Variants in MNT observed in about 807,000 individuals in gnomAD.
MNT encodes the protein MAX network transcriptional repressor, also known as max-binding protein MNT.
In MNT, 13 loss-of-function variants were observed where a neutral mutation model predicts 40.7. The observed-to-expected ratio is 0.32, with a 90% CI of 0.21 to 0.51. The LOEUF (loss-of-function observed/expected upper bound fraction) is 0.51. MNT is among the 20% of genes least tolerant of loss of function. The pLI is 0.98. For synonymous variants in MNT, 426 were observed against 354.8 expected (o/e 1.20, Z -2.26); for missense variants, 757 against 792.0 (o/e 0.96, Z 0.53).
intron 3 of MNT, 36 bp downstream of exon 3, chr17:2,394,269 G>GCGCACACACACACA: frequency 6.7e-7 from 1 of 1,490,792 alleles, no homozygotes; most frequent in South Asian, 1.2e-5. Context: ...GCGCGCGCAC[G>GCGCACACACACACA]CACGCACGCA....
chr17:2,395,648 AC>A (rs1298248402), intron 1 of MNT, among the ~76,000 whole-genome samples, 194 bp from the exon 2 acceptor site: 1 of 152,002 alleles, frequency 6.6e-6, no homozygotes, highest in Non-Finnish European at 1.5e-5. Flanking sequence ...AATCAAGCAG[AC>A]CTGTTCCCCG....
At position 2,387,334 on chromosome 17, in the gene MNT, G is replaced by A. The variant is rs1190837157; in HGVS notation, c.1316C>T (p.Thr439Met). Reference protein sequence around the residue: ...HLVATAGGGSTVIAHTATTHA... With the variant: ...HLVATAGGGSMVIAHTATTHA... ...AGTGGTGGCTGTGTGGGCGATGACC[G>A]TGGAGCCACCCCCAGCCGTCGCCAC... The change falls in exon 6 of 6, where the codon ACG becomes ATG. Residue 439 changes from threonine (T) to methionine (M), a missense_variant. This residue lies in a region of MNT where 345 missense variants were observed against 380.1 expected (regional missense o/e 0.91). Coordinates refer to ENST00000174618, the MANE Select transcript of MNT (RefSeq NM_020310.3). The A allele has an allele frequency of 9.9e-6, 16 of 1,612,656 alleles. No homozygotes were observed. The highest frequency in any genetic ancestry group is 2.2e-5 in the East Asian group (1 of 44,826).
intron 2 of MNT, 107 bp downstream of exon 2, chr17:2,394,768 A>G (rs1335420018): frequency 3.0e-5 from 22 of 744,102 alleles, no homozygotes; most frequent in Non-Finnish European, 4.3e-5. Flanking sequence ...GTGTTCAAAT[A>G]CAGGGGGCAC....
At chr17:2,396,173 G>A (rs541856259) in intron 1 of MNT, among the ~76,000 whole-genome samples, 1 of 152,312 alleles carries the variant, frequency 6.6e-6, no homozygotes, top group East Asian at 1.9e-4. Context: ...TTTCACACAT[G>A]TGGAAACAGC....
intron 4 of MNT, 104 bp from the exon 5 acceptor site, chr17:2,388,153 G>A (rs544794300): frequency 5.3e-5 from 61 of 1,143,224 alleles, no homozygotes; most frequent in Admixed American, 2.3e-4. Context: ...AGGCAAGTCC[G>A]TGGCAACCAG....
chr17:2,385,592 CCCAA>C lies in MNT; in HGVS notation c.*1305_*1308del. On this transcript the variant is annotated 3_prime_UTR_variant, in exon 6 of 6. Coordinates refer to ENST00000174618, the MANE Select transcript of MNT (RefSeq NM_020310.3). ...CTTCCACGCTCAGCCCTGTCCTTGACCCAACCAAGGACCTCTTCTCAGAGAAAGG... is the reference window on the plus strand; with the variant it reads ...CTTCCACGCTCAGCCCTGTCCTTGACCCAAGGACCTCTTCTCAGAGAAAGG... 1 of 152,570 alleles carries C rather than the reference CCCAA, an allele frequency of 6.6e-6. No individual in the cohort carries two copies. The highest frequency in any genetic ancestry group is 1.9e-4 in the East Asian group (1 of 5,188). The allele number at this position is 152,570 out of a possible 1,614,324, so 9.5% of individuals were successfully genotyped here.
Position 2,388,066 on chromosome 17 carries a change from G to C in MNT, c.808-17C>G. On this transcript the variant is annotated splice_polypyrimidine_tract_variant and intron_variant, in intron 4 of 5. Transcript: ENST00000174618. ...CTTCAGGGACTGGCACACAGAGTAA[G>C]GGACAGCAGGACACCCTGAGCAGCA... is the stretch of plus-strand genomic sequence containing the variant. 6.5e-7 allele frequency: 1 copy of C among 1,544,330 alleles called. No individual in the cohort carries two copies. The highest frequency in any genetic ancestry group is 8.8e-7 in the Non-Finnish European group (1 of 1,141,098).
At chr17:2,391,023 C>A (rs1018338816) in intron 4 of MNT, 1 of 152,368 alleles carries the variant, frequency 6.6e-6, no homozygotes, top group Non-Finnish European at 1.5e-5. Context: ...GAGTCCCGCT[C>A]TGTCACCCAG....
Position 2,385,812 on chromosome 17 carries a change from G to A in MNT, c.*1089C>T, listed in dbSNP as rs965467615. ...GGCTTAGGGCTTGGCTAAGCCGCTG[G>A]GTTTTTACCTTCCTGATGTCTCAAC... On this transcript the variant is annotated 3_prime_UTR_variant, in exon 6 of 6. Coordinates refer to ENST00000174618, the MANE Select transcript of MNT (RefSeq NM_020310.3). The A allele has an allele frequency of 6.6e-6, 1 of 152,264 alleles. No individual in the cohort carries two copies. Among genetic ancestry groups the A allele is most frequent in the Non-Finnish European group, 1.5e-5 (1 of 68,070 alleles). The allele number at this position is 152,264 out of a possible 1,614,324, so 9.4% of individuals were successfully genotyped here.
Position 2,386,950 on chromosome 17 carries a change from G to T in MNT, c.1700C>A (p.Thr567Asn). The change falls in exon 6 of 6, where the codon ACC becomes AAC. Residue 567 changes from threonine (T) to asparagine (N), a missense_variant. By Grantham distance (65) the Thr-to-Asn change is moderately conservative (BLOSUM62 0). This residue lies in a region of MNT where 345 missense variants were observed against 380.1 expected (regional missense o/e 0.91). Coordinates refer to ENST00000174618, the MANE Select transcript of MNT (RefSeq NM_020310.3). ...LVGQTVLNPVTMVTMPSFPVS... is the reference protein window; with the variant it reads ...LVGQTVLNPVNMVTMPSFPVS... The stretch of plus-strand genomic sequence containing the variant: ...TGGGAAGGAGGGCATGGTGACCATG[G>T]TCACAGGGTTGAGCACGGTCTGGCC... 1 of 1,501,590 alleles carries T rather than the reference G, an allele frequency of 6.7e-7. No individual in the cohort carries two copies. The allele number at this position is 1,501,590 out of a possible 1,614,324, so 93.0% of individuals were successfully genotyped here.
intron 1 of MNT, chr17:2,400,262 GCACGCACACGCGAGCCTGCCACCCC>G (rs1597423833): frequency 1.3e-5 from 3 of 225,828 alleles, no homozygotes; most frequent in African/African-American, 7.1e-5. Flanking sequence ...GTGCACACAC[GCACGCACACGCGAGCCTGCCACCCC>G]CACGCAACAC....
chr17:2,396,471 C>T (rs1472564777), intron 1 of MNT: 1 of 152,766 alleles, frequency 6.5e-6, no homozygotes, highest in South Asian at 2.1e-4. Context: ...TGAGAGAGGG[C>T]AGTTGAGGAG....
rs1233092006 is a variant in MNT, at chr17:2,387,596, G to A, written c.1054C>T (p.Pro352Ser). Reference protein sequence around the residue: ...DMEEDRAGLGPPKLSHRPQPE... With the variant: ...DMEEDRAGLGSPKLSHRPQPE... The stretch of plus-strand genomic sequence containing the variant: ...TGGGGACGATGGCTCAGCTTAGGTG[G>A]GCCCAGGCCCGCCCGGTCCTCCTCC... Residue 352 changes from proline to serine, a missense_variant, in exon 6 of 6, where the codon CCA becomes TCA. By Grantham distance (74) the Pro-to-Ser change is moderately conservative. Around this residue, in one of 4 missense-constraint regions of MNT, gnomAD observed 345 missense variants for 380.1 expected, o/e 0.91. Transcript: ENST00000174618. 1 of 1,614,114 alleles carries A rather than the reference G, an allele frequency of 6.2e-7. No individual in the cohort carries two copies. The highest frequency in any genetic ancestry group is 1.3e-5 in the African/African-American group (1 of 75,022).
chr17:2,390,442 A>C (rs1027052268), intron 4 of MNT: 3 of 152,298 alleles, frequency 2.0e-5, no homozygotes, highest in South Asian at 4.1e-4. Flanking sequence ...CTGTCACATC[A>C]GTGGGACATT....
intron 1 of MNT, among the ~76,000 whole-genome samples, chr17:2,397,463 G>C (rs1487870296): frequency 1.3e-5 from 2 of 152,104 alleles, no homozygotes; most frequent in Non-Finnish European, 2.9e-5. Flanking sequence ...ACTCTTTATA[G>C]GCAGAGGAAC....
intron 1 of MNT, among the ~76,000 whole-genome samples, chr17:2,398,069 A>C (rs1428457460): frequency 6.6e-6 from 1 of 152,206 alleles, no homozygotes; most frequent in Admixed American, 6.5e-5. Context: ...AGGAGTCCAC[A>C]CTGGTGGGCC....
At chr17:2,400,585 G>C (rs1421329741) in intron 1 of MNT, 55 bp downstream of exon 1, 1 of 1,513,248 alleles carries the variant, frequency 6.6e-7, no homozygotes, top group East Asian at 2.6e-5. Flanking sequence ...TTCGGGGACC[G>C]GGGTCACTCG....
At position 2,387,227 on chromosome 17, in the gene MNT, G is replaced by A; in HGVS notation, c.1423C>T (p.Pro475Ser). Residue 475 changes from proline (P) to serine (S), a missense_variant, in exon 6 of 6, where the codon CCC (proline) becomes TCC (serine). Pro to Ser is a moderately conservative substitution (Grantham distance 74, BLOSUM62 -1). This residue lies in a region of MNT where 345 missense variants were observed against 380.1 expected (regional missense o/e 0.91). Transcript: ENST00000174618. ...GGCGCCAGTTGCACCGCAGGGCTGG[G>A]GGCCGAGGGGGCGATGTGGGCGATG... ...KHIAHIAPSA[P>S]SPAVQLAPAT... is the part of the protein sequence containing the mutation. 1 of 1,611,426 alleles carries A rather than the reference G, an allele frequency of 6.2e-7. No individual in the cohort carries two copies. The highest frequency in any genetic ancestry group is 8.5e-7 in the Non-Finnish European group (1 of 1,179,154).
At position 2,394,154 on chromosome 17, in the gene MNT, C is replaced by G; in HGVS notation, c.696G>C (p.Arg232Ser). 6.2e-7 allele frequency: 1 copy of G among 1,608,626 alleles called. No homozygotes were observed. Among genetic ancestry groups the G allele is most frequent in the Non-Finnish European group, 8.5e-7 (1 of 1,177,754 alleles). ...REVHNKLEKNRRAHLKECFET... is the reference protein window; with the variant it reads ...REVHNKLEKNSRAHLKECFET... The stretch of plus-strand genomic sequence containing the variant: ...CAAAGCACTCTTTCAGATGGGCCCT[C>G]CTGAAGAGAGGGGCGAGCGCCGGTC... The change falls in exon 4 of 6, where the codon AGG becomes AGC. Residue 232 changes from arginine (R) to serine (S), a missense_variant and splice_region_variant. Around this residue, in one of 4 missense-constraint regions of MNT, gnomAD observed 73 missense variants for 100.8 expected, o/e 0.72. Coordinates refer to ENST00000174618, the MANE Select transcript of MNT (RefSeq NM_020310.3).
Sources: allele counts gnomAD v4.1 joint callset (sites outside exome capture counted in the v4.1 genomes callset), GRCh38; gene constraint gnomAD v4.1.1; regional missense constraint gnomAD v4.1.1; transcripts MANE v1.5; gene names NCBI Gene and HGNC (gene_info 2026-07-23, HGNC 2026-07-21).